Variants in SEPTIN11 observed in about 807,000 individuals in gnomAD.
SEPTIN11 encodes septin-11.
SEPTIN11 carries 25 observed loss-of-function variants against 51.4 expected under a neutral mutation model. The ratio of observed to expected loss-of-function variants is 0.49; its 90% CI spans 0.35 to 0.68. The LOEUF is 0.68. Ranked by LOEUF, SEPTIN11 falls within the 30% of genes least tolerant of loss-of-function variation. The pLI is 0.00. For synonymous variants in SEPTIN11, 174 were observed against 184.1 expected, an observed-to-expected ratio of 0.95 and a Z score of 0.44; for missense variants, 381 against 520.8, an observed-to-expected ratio of 0.73 and a Z score of 2.61.
At chr4:77,019,755 CGT>C (rs1725565354) in intron 6 of SEPTIN11, among the ~76,000 whole-genome samples, 1 of 152,172 alleles carries the variant, frequency 6.6e-6, no homozygotes, top group South Asian at 2.1e-4. Flanking sequence ...AAGCTTGTCA[CGT>C]GTGTCACTTT....
intron 1 of SEPTIN11, among the ~76,000 whole-genome samples, chr4:76,982,399 C>T (rs1185308985): frequency 6.6e-6 from 1 of 151,890 alleles, no homozygotes; most frequent in Non-Finnish European, 1.5e-5. Flanking sequence ...TTAGTAGATA[C>T]GGGGTTTCAC....
intron 1 of SEPTIN11, among the ~76,000 whole-genome samples, chr4:76,975,303 T>G (rs938329430): frequency 6.6e-6 from 1 of 152,160 alleles, no homozygotes; most frequent in Non-Finnish European, 1.5e-5. Context: ...CCAAAGTGTT[T>G]ACTATGACTA....
chr4:76,998,699 G>A (rs1723908297), intron 2 of SEPTIN11, among the ~76,000 whole-genome samples: 2 of 152,068 alleles, frequency 1.3e-5, no homozygotes, highest in Non-Finnish European at 1.5e-5. Context: ...GCCCCATCAG[G>A]CCTCTGTCTG....
chr4:77,006,760 A>G (rs1009676429), intron 3 of SEPTIN11, among the ~76,000 whole-genome samples: 2 of 152,150 alleles, frequency 1.3e-5, no homozygotes, highest in African/African-American at 4.8e-5. Flanking sequence ...TCAAAACTGT[A>G]TATTATACAC....
Position 76,960,052 on chromosome 4 carries a change from T to G in SEPTIN11, c.27+10122T>G, listed in dbSNP as rs185955857. On this transcript the variant is annotated intron_variant, in intron 1 of 9. Coordinates refer to ENST00000264893, the MANE Select transcript of SEPTIN11 (RefSeq NM_018243.4). ...TGTACCCCAAGAGTTTTTAAGAGAA[T>G]TGTTCAAATGATCACTGCACTTCGT... is the stretch of plus-strand genomic sequence containing the variant. Among the ~76,000 whole-genome samples the G allele has an allele frequency of 2.6e-3, 397 of 152,278 alleles. 3 individuals carry two copies. The highest frequency in any genetic ancestry group is 3.9e-3 in the Non-Finnish European group (266 of 68,020).
chr4:77,006,347 A>G (rs953391603), intron 3 of SEPTIN11, among the ~76,000 whole-genome samples: 5 of 152,170 alleles, frequency 3.3e-5, no homozygotes, highest in South Asian at 2.1e-4. Context: ...GGTCTTTACC[A>G]TGAGTTATCT....
chr4:76,954,675 T>G (rs969025997), intron 1 of SEPTIN11, among the ~76,000 whole-genome samples: 4 of 152,232 alleles, frequency 2.6e-5, no homozygotes, highest in Non-Finnish European at 4.4e-5. Flanking sequence ...TGACCTGAGA[T>G]AGAAATCAGG....
At chr4:77,032,688 G>C (rs1023516025) in intron 9 of SEPTIN11, among the ~76,000 whole-genome samples, 2 of 152,228 alleles carry the variant, frequency 1.3e-5, no homozygotes, top group Non-Finnish European at 2.9e-5. Flanking sequence ...GAGGCACTCA[G>C]TGCATAAAGG....
intron 2 of SEPTIN11, among the ~76,000 whole-genome samples, chr4:77,003,573 GAC>G (rs2109945045): frequency 6.6e-6 from 1 of 152,250 alleles, no homozygotes. Flanking sequence ...GATGTTCAGG[GAC>G]ACACAGGAAA....
chr4:77,013,173 GT>G (rs1183190378), intron 4 of SEPTIN11, among the ~76,000 whole-genome samples: 1 of 152,160 alleles, frequency 6.6e-6, no homozygotes, highest in East Asian at 1.9e-4. Context: ...CTATTATTAT[GT>G]TTAATAGAGT....
intron 1 of SEPTIN11, among the ~76,000 whole-genome samples, chr4:76,965,995 TC>T (rs955369642): frequency 7.9e-5 from 12 of 152,246 alleles, no homozygotes; most frequent in Admixed American, 7.2e-4. Flanking sequence ...CTGCAAGCTT[TC>T]AGCTATAAGA....
At chr4:77,000,051 A>G (rs1156600198) in intron 2 of SEPTIN11, among the ~76,000 whole-genome samples, 1 of 152,256 alleles carries the variant, frequency 6.6e-6, no homozygotes, top group Non-Finnish European at 1.5e-5. Flanking sequence ...TAACTCTACG[A>G]AAAAACCTCA....
rs1453114955 is a variant in SEPTIN11 at position 77,016,645 on chromosome 4, T to C, written c.687+1628T>C. 3.8e-3 allele frequency among the ~76,000 whole-genome samples: 481 copies of C among 127,840 alleles called. 18 individuals carry two copies. The highest frequency in any genetic ancestry group is 0.013 in the African/African-American group (452 of 34,694). The allele number at this position is 127,840 out of a possible 152,430, so 83.9% of individuals were successfully genotyped here. ...ATATATATATACACATATATATATA[T>C]ATATATATATACACATATATATATA... On this transcript the variant is annotated intron_variant, in intron 5 of 9. Coordinates refer to ENST00000264893, the MANE Select transcript of SEPTIN11 (RefSeq NM_018243.4).
At chr4:76,959,359 C>T (rs1352466427) in intron 1 of SEPTIN11, among the ~76,000 whole-genome samples, 2 of 151,266 alleles carry the variant, frequency 1.3e-5, no homozygotes, top group African/African-American at 4.9e-5. Flanking sequence ...AGTGATCCTC[C>T]TGTCTAGGCC....
At chr4:77,000,684 T>A (rs1161746475) in intron 2 of SEPTIN11, among the ~76,000 whole-genome samples, 1 of 152,054 alleles carries the variant, frequency 6.6e-6, no homozygotes, top group African/African-American at 2.4e-5. Flanking sequence ...CCTGGAAAAA[T>A]TTCTCCATGG....
chr4:76,997,346 A>G (rs953965886), intron 2 of SEPTIN11, among the ~76,000 whole-genome samples: 18 of 152,196 alleles, frequency 1.2e-4, no homozygotes, highest in African/African-American at 4.3e-4. Context: ...GCTTGGCAGA[A>G]TGTGTCAGAC....
At chr4:77,012,760 C>G (rs915252993) in intron 4 of SEPTIN11, among the ~76,000 whole-genome samples, 5 of 152,214 alleles carry the variant, frequency 3.3e-5, no homozygotes, top group African/African-American at 1.2e-4. Context: ...ATCAGCCTGT[C>G]CCCAAGGCCT....
chr4:77,034,427 G>A (rs368353608), intron 9 of SEPTIN11, 70 bp from the exon 10 acceptor site: 28 of 1,305,200 alleles, frequency 2.1e-5, no homozygotes, highest in East Asian at 1.6e-4. Context: ...TGGTGCTGTC[G>A]CTCCTAATTT....
At chr4:76,967,483 C>A (rs148343906) in intron 1 of SEPTIN11, among the ~76,000 whole-genome samples, 132 of 152,282 alleles carry the variant, frequency 8.7e-4, no homozygotes, top group African/African-American at 3.0e-3. Context: ...TGGAAAAACA[C>A]ATGCCACCTC....
Sources: gnomAD v4.1 joint callset for allele counts (sites outside exome capture counted in the v4.1 genomes callset) on GRCh38, gnomAD v4.1.1 for gene constraint, MANE v1.5 for transcripts, NCBI Gene and HGNC (gene_info 2026-07-23, HGNC 2026-07-21) for gene names.